The following FARP2 variants were observed in gnomAD, a reference collection of about 807,000 sequenced individuals.
FARP2 encodes FERM, ARHGEF and pleckstrin domain-containing protein 2.
Under a neutral mutation model 130.5 loss-of-function variants are expected in FARP2, and 111 were observed. The ratio of observed to expected loss-of-function variants is 0.85; its 90% CI spans 0.73 to 1.00. The LOEUF is 1.00. FARP2 is among the 50% of genes least tolerant of loss of function. The pLI is 0.00. For missense variants in FARP2, 1,385 were observed against 1,346.3 expected (o/e 1.03, Z -0.45); for synonymous variants, 504 against 516.9 (o/e 0.98, Z 0.34).
Position 241,384,923 on chromosome 2 carries a change from T to C in FARP2, c.183+11633T>C, listed in dbSNP as rs1335077515. Among the ~76,000 whole-genome samples, 5 of 152,332 alleles carry C rather than the reference T, an allele frequency of 3.3e-5. No homozygotes were observed. In the East Asian group the frequency reaches 9.6e-4, roughly 29 times the overall value. The stretch of plus-strand genomic sequence containing the variant: ...TGTTTGCTTCTGGCTTTAATTTACA[T>C]CAATTGTAAATTTCTTAAAAACATA... On this transcript the variant is annotated intron_variant, in intron 2 of 26. Transcript: ENST00000264042.
At position 241,468,019 on chromosome 2, in the gene FARP2, C is replaced by T. The variant is rs962787778; in HGVS notation, c.1894-121C>T. 7 of 753,192 alleles carry T rather than the reference C, an allele frequency of 9.3e-6. No individual in the cohort carries two copies. In the Admixed American group the frequency reaches 1.3e-4, roughly 14 times the overall value. The allele number at this position is 753,192 out of a possible 1,614,324, so 46.7% of individuals were successfully genotyped here. A position where few individuals can be genotyped will look rare whatever the true frequency, so the allele number is the denominator to read the frequency against. On this transcript the variant is annotated intron_variant, in intron 17 of 26. Coordinates refer to ENST00000264042, the MANE Select transcript of FARP2 (RefSeq NM_014808.4). ...AAGCCCCCGCTGGCGCACGCTGGGC[C>T]ACTGGTCCATTTGCCCTGTGGGGAT...
intron 2 of FARP2, 26 bp from the exon 3 acceptor site, chr2:241,403,802 T>A: frequency 6.8e-7 from 1 of 1,478,022 alleles, no homozygotes; most frequent in Non-Finnish European, 9.4e-7. Flanking sequence ...CAATCCTTGT[T>A]ATTTTTCCCA....
At chr2:241,422,890 G>A (rs563917230) in intron 8 of FARP2, among the ~76,000 whole-genome samples, 8 of 152,162 alleles carry the variant, frequency 5.3e-5, no homozygotes, top group Non-Finnish European at 1.0e-4. Context: ...CTATCTTTCT[G>A]AAATAGGCAG....
chr2:241,396,677 G>T (rs2062038150), intron 2 of FARP2, among the ~76,000 whole-genome samples: 1 of 152,188 alleles, frequency 6.6e-6, no homozygotes, highest in African/African-American at 2.4e-5. Flanking sequence ...TAAAAAGTCA[G>T]GGAGCAACAG....
intron 2 of FARP2, among the ~76,000 whole-genome samples, chr2:241,382,290 CTAT>C (rs2061679621): frequency 1.6e-5 from 2 of 127,198 alleles, no homozygotes; most frequent in Non-Finnish European, 1.7e-5. Context: ...TGTACAAAAT[CTAT>C]TTTTTTTTTT....
At chr2:241,395,284 G>C (rs1014409061) in intron 2 of FARP2, among the ~76,000 whole-genome samples, 1 of 152,002 alleles carries the variant, frequency 6.6e-6, no homozygotes, top group African/African-American at 2.4e-5. Flanking sequence ...AATGGCTGTT[G>C]GTACTGTTTT....
At chr2:241,381,732 TC>T (rs952160419) in intron 2 of FARP2, among the ~76,000 whole-genome samples, 25 of 152,236 alleles carry the variant, frequency 1.6e-4, no homozygotes, top group Non-Finnish European at 5.9e-5. Context: ...GAGAGTGCAT[TC>T]TACTTTTTTA....
intron 2 of FARP2, among the ~76,000 whole-genome samples, chr2:241,381,157 C>T (rs1043569544): frequency 1.3e-5 from 2 of 152,122 alleles, no homozygotes; most frequent in Non-Finnish European, 2.9e-5. Context: ...CTCTGGAAAC[C>T]CCACTCTGCT....
chr2:241,366,127 A>ATACG (rs2061312068), intron 1 of FARP2, among the ~76,000 whole-genome samples: 2 of 136,474 alleles, frequency 1.5e-5, no homozygotes, highest in Non-Finnish European at 3.1e-5. Flanking sequence ...ATATACGTAT[A>ATACG]TATATATATA....
chr2:241,367,078 G>C (rs1199104002), intron 1 of FARP2, among the ~76,000 whole-genome samples: 2 of 152,150 alleles, frequency 1.3e-5, no homozygotes, highest in African/African-American at 4.8e-5. Context: ...TTGAGGGACA[G>C]GGTTGCCCAC....
chr2:241,368,200 A>G (rs1003481203), intron 1 of FARP2, among the ~76,000 whole-genome samples: 4 of 152,130 alleles, frequency 2.6e-5, no homozygotes, highest in South Asian at 2.1e-4. Context: ...CAGTAGTGCA[A>G]ATTGTATCGG....
intron 12 of FARP2, among the ~76,000 whole-genome samples, chr2:241,440,496 G>A (rs2150414137): frequency 6.6e-6 from 1 of 152,224 alleles, no homozygotes; most frequent in African/African-American, 2.4e-5. Flanking sequence ...CTGCTTGGGA[G>A]CTGCTTCTCC....
chr2:241,484,352 C>T (rs374049066), intron 21 of FARP2, 21 bp downstream of exon 21: 5 of 1,601,304 alleles, frequency 3.1e-6, no homozygotes, highest in African/African-American at 2.7e-5. Context: ...TTGCACCCTG[C>T]CTGGGATTTC....
chr2:241,400,016 A>C (rs1351239921), intron 2 of FARP2, among the ~76,000 whole-genome samples: 2 of 152,074 alleles, frequency 1.3e-5, no homozygotes, highest in Admixed American at 6.6e-5. Context: ...GTATTTACAA[A>C]CCCTGTCCTG....
chr2:241,430,231 C>G (rs1298324838), intron 8 of FARP2, among the ~76,000 whole-genome samples: 1 of 152,226 alleles, frequency 6.6e-6, no homozygotes, highest in Non-Finnish European at 1.5e-5. Flanking sequence ...CTCACATGTC[C>G]TTTCATTTTA....
intron 14 of FARP2, among the ~76,000 whole-genome samples, chr2:241,458,605 G>C (rs1247363574): frequency 6.6e-6 from 1 of 151,694 alleles, no homozygotes; most frequent in African/African-American, 2.4e-5. Context: ...CAGCAAGACT[G>C]TTTCCAAAAA....
rs1559805855 is a variant in FARP2 at position 241,475,989 on chromosome 2, T to G, written c.2262+2T>G. ...GAGAACCTCATTGCTCCTGGCAGGG[T>G]GAGTGACCTTGCTCTGGGAATGTTT... On this transcript the variant is annotated splice_donor_variant, in intron 19 of 26. Coordinates refer to ENST00000264042, the MANE Select transcript of FARP2 (RefSeq NM_014808.4). LOFTEE classifies it high-confidence loss of function. This position sits in a 1 kb window ranked among gnomAD's most constrained non-coding sequence, Gnocchi z 4.4. 1 of 1,608,120 alleles carries G rather than the reference T, an allele frequency of 6.2e-7. No homozygotes were observed. Among genetic ancestry groups the G allele is most frequent in the Non-Finnish European group, 8.5e-7 (1 of 1,177,798 alleles).
intron 4 of FARP2, chr2:241,405,529 A>G (rs930145318): frequency 3.3e-5 from 5 of 152,260 alleles, no homozygotes; most frequent in Non-Finnish European, 7.3e-5. Flanking sequence ...TAACTTCATT[A>G]TATCAGAACA....
At chr2:241,383,751 C>G (rs781009244) in intron 2 of FARP2, among the ~76,000 whole-genome samples, 18 of 152,030 alleles carry the variant, frequency 1.2e-4, no homozygotes, top group Admixed American at 6.6e-5. Context: ...TGTGGAGGAT[C>G]AGAAACCCAG....
Sources: gnomAD v4.1 joint callset for allele counts (sites outside exome capture counted in the v4.1 genomes callset) on GRCh38, gnomAD v4.1.1 for gene constraint, Gnocchi (gnomAD v3.1) non-coding constraint, MANE v1.5 for transcripts, NCBI Gene and HGNC (gene_info 2026-07-23, HGNC 2026-07-21) for gene names.